The following NPFFR2 variants were observed in gnomAD, a reference collection of about 807,000 sequenced individuals.
NPFFR2 encodes neuropeptide FF receptor 2.
NPFFR2 carries 15 observed loss-of-function variants against 13.1 expected under a neutral mutation model. The observed-to-expected ratio is 1.15, with a 90% CI of 0.77 to 1.76. NPFFR2 has a LOEUF of 1.76. Ranked by LOEUF, NPFFR2 falls within the 40% of genes most tolerant of loss-of-function variation. The probability of loss-of-function intolerance (pLI) is 0.00; values close to 1 mark genes in which losing one functional copy is unlikely to be tolerated. For missense variants in NPFFR2, 572 were observed against 503.5 expected, an observed-to-expected ratio of 1.14 and a Z score of -1.30; for synonymous variants, 190 against 175.7, an observed-to-expected ratio of 1.08 and a Z score of -0.65.
At chr4:72,134,001 A>G (rs1722330996) in intron 2 of NPFFR2, among the ~76,000 whole-genome samples, 2 of 152,208 alleles carry the variant, frequency 1.3e-5, no homozygotes, top group East Asian at 3.8e-4. Flanking sequence ...AGAGTGGCTC[A>G]CACCTGTAAT....
chr4:72,119,246 T>C (rs1721798984), intron 1 of NPFFR2, among the ~76,000 whole-genome samples: 1 of 152,044 alleles, frequency 6.6e-6, no homozygotes, highest in South Asian at 2.1e-4. Flanking sequence ...GGGCAAAAAA[T>C]AGTGGGATCT....
intron 1 of NPFFR2, among the ~76,000 whole-genome samples, chr4:72,102,549 C>T (rs545061561): frequency 5.0e-4 from 70 of 138,894 alleles, no homozygotes; most frequent in South Asian, 1.5e-3. Flanking sequence ...CAACAGTCCC[C>T]GGTGTGTGAT....
intron 1 of NPFFR2, among the ~76,000 whole-genome samples, chr4:72,045,648 C>G (rs1242615530): frequency 1.3e-5 from 2 of 152,136 alleles, no homozygotes; most frequent in African/African-American, 2.4e-5. Context: ...GCTCAGAAAA[C>G]TTACATTAGC....
chr4:72,107,442 A>G (rs556049183), intron 1 of NPFFR2, among the ~76,000 whole-genome samples: 1 of 151,730 alleles, frequency 6.6e-6, no homozygotes, highest in Admixed American at 6.6e-5. Flanking sequence ...ATGTTTCCCA[A>G]CTTTTCCAGT....
At chr4:72,080,787 A>AAGATCCCTCCACAACCTCC (rs1560405090) in intron 1 of NPFFR2, among the ~76,000 whole-genome samples, 1 of 151,608 alleles carries the variant, frequency 6.6e-6, no homozygotes, top group African/African-American at 2.4e-5. Context: ...AGGGGCCTTT[A>AAGATCCCTCCACAACCTCC]CTCTCAGAAA....
chr4:72,052,445 AC>A (rs1375418473), intron 1 of NPFFR2, among the ~76,000 whole-genome samples: 164 of 150,730 alleles, frequency 1.1e-3, no homozygotes, highest in African/African-American at 3.6e-3. Context: ...AAATTCAACA[AC>A]CCTTCATGCT....
At chr4:72,137,243 AT>A (rs1216207960) in intron 2 of NPFFR2, among the ~76,000 whole-genome samples, 2 of 152,298 alleles carry the variant, frequency 1.3e-5, no homozygotes, top group African/African-American at 4.8e-5. Context: ...TTGCAGAAAA[AT>A]TAAAAAAATA....
chr4:72,033,078 C>T (rs1441408544), intron 1 of NPFFR2, among the ~76,000 whole-genome samples: 1 of 152,050 alleles, frequency 6.6e-6, no homozygotes, highest in Non-Finnish European at 1.5e-5. Context: ...ATCCAAATAA[C>T]TTTCAAGTGG....
At chr4:72,126,152 T>C (rs1346669744) in intron 1 of NPFFR2, among the ~76,000 whole-genome samples, 2 of 152,244 alleles carry the variant, frequency 1.3e-5, no homozygotes, top group African/African-American at 2.4e-5. Context: ...TATACTTGCA[T>C]CTCATTATCC....
At chr4:72,051,249 G>T (rs1224481278) in intron 1 of NPFFR2, among the ~76,000 whole-genome samples, 1 of 151,846 alleles carries the variant, frequency 6.6e-6, no homozygotes, top group African/African-American at 2.4e-5. Flanking sequence ...TGGAAGTAAA[G>T]CTCTCCTCAG....
chr4:72,071,384 C>A (rs879461751), intron 1 of NPFFR2, among the ~76,000 whole-genome samples: 1 of 151,524 alleles, frequency 6.6e-6, no homozygotes, highest in Non-Finnish European at 1.5e-5. Context: ...TTGTGAGGAG[C>A]GTGTATGACC....
At position 72,147,701 on chromosome 4, in the gene NPFFR2, A is replaced by G. The variant is rs1722832511; in HGVS notation, c.1152A>G (p.Thr384=). 3.1e-6 allele frequency: 5 copies of G among 1,614,012 alleles called. No individual in the cohort carries two copies. The highest frequency in any genetic ancestry group is 4.2e-6 in the Non-Finnish European group (5 of 1,180,000). ...CTAATCAGCTTGTCCAGGAATCTAC[A>G]TTTCAAAACCCTCATGGGGAAACCT... is the stretch of plus-strand genomic sequence containing the variant. ...NTSNQLVQES[T]FQNPHGETLL... is the part of the protein sequence containing the mutation. Residue 384 remains threonine (T), a synonymous_variant, in exon 4 of 4, where the codon ACA becomes ACG. Transcript: ENST00000308744.
intron 1 of NPFFR2, among the ~76,000 whole-genome samples, chr4:72,090,284 T>C (rs1051449319): frequency 3.3e-5 from 5 of 152,136 alleles, no homozygotes; most frequent in African/African-American, 1.2e-4. Context: ...TCTTTTTGCT[T>C]CATCTTGCTT....
chr4:72,126,125 C>T (rs1453672202), intron 1 of NPFFR2, among the ~76,000 whole-genome samples: 2 of 152,188 alleles, frequency 1.3e-5, no homozygotes, highest in African/African-American at 4.8e-5. Flanking sequence ...TCATGCATTA[C>T]ATCAAGGAGC....
intron 1 of NPFFR2, among the ~76,000 whole-genome samples, chr4:72,043,690 G>T (rs1427131155): frequency 6.6e-6 from 1 of 152,190 alleles, no homozygotes; most frequent in Non-Finnish European, 1.5e-5. Context: ...TCTACCCAAT[G>T]CCTGTACCCC....
At chr4:72,043,008 C>G (rs1719270620) in intron 1 of NPFFR2, among the ~76,000 whole-genome samples, 1 of 152,184 alleles carries the variant, frequency 6.6e-6, no homozygotes, top group Non-Finnish European at 1.5e-5. Context: ...GTTTCTTAGG[C>G]CAAGTCCAGG....
chr4:72,096,246 T>C (rs1342589059), intron 1 of NPFFR2, among the ~76,000 whole-genome samples: 1 of 152,192 alleles, frequency 6.6e-6, no homozygotes, highest in Admixed American at 6.5e-5. Context: ...AAAAGATGAA[T>C]AGGCCATGAC....
intron 1 of NPFFR2, among the ~76,000 whole-genome samples, chr4:72,046,952 A>G (rs1719397746): frequency 6.6e-6 from 1 of 152,166 alleles, no homozygotes; most frequent in Admixed American, 6.5e-5. Context: ...CCTTGAGTGA[A>G]TTGTACCCAA....
intron 1 of NPFFR2, among the ~76,000 whole-genome samples, chr4:72,112,110 T>A (rs764596219): frequency 6.6e-6 from 1 of 152,166 alleles, no homozygotes; most frequent in East Asian, 1.9e-4. Context: ...TTTTTCAGAC[T>A]CAATGACTTT....
Sources: gnomAD v4.1 joint callset for allele counts (sites outside exome capture counted in the v4.1 genomes callset) on GRCh38, gnomAD v4.1.1 for gene constraint, MANE v1.5 for transcripts, NCBI Gene and HGNC (gene_info 2026-07-23, HGNC 2026-07-21) for gene names.